Variants in ETV5 observed in about 807,000 individuals in gnomAD.
ETV5 encodes ETS translocation variant 5.
A neutral mutation model predicts 70.0 loss-of-function variants in ETV5; 10 were observed. The ratio of observed to expected loss-of-function variants is 0.14; its 90% CI spans 0.09 to 0.24. The LOEUF is 0.24. Among genes scored for constraint, ETV5 ranks in the 10% least tolerant of loss-of-function variants. The pLI is 1.00. For missense variants in ETV5, 453 were observed against 651.2 expected (o/e 0.70, Z 3.31); for synonymous variants, 216 against 242.2 (o/e 0.89, Z 1.01).
chr3:186,099,875 A>G (rs1023570363), intron 5 of ETV5, among the ~76,000 whole-genome samples: 22 of 152,240 alleles, frequency 1.4e-4, no homozygotes, highest in African/African-American at 5.3e-4. Context: ...CTCACCAAAT[A>G]CAAAGGACTG....
chr3:186,068,345 AGTAGTAGTATG>A (rs1214457559), intron 7 of ETV5, among the ~76,000 whole-genome samples: 2 of 152,242 alleles, frequency 1.3e-5, no homozygotes, highest in African/African-American at 4.8e-5. Flanking sequence ...CAAAAATAAA[AGTAGTAGTATG>A]GTGTCATATA....
Position 186,054,063 on chromosome 3 carries a change from C to T in ETV5, c.1210-1932G>A, listed in dbSNP as rs114641680. On this transcript the variant is annotated intron_variant, in intron 11 of 12. Transcript: ENST00000306376. This position sits in a 1 kb window ranked among gnomAD's most constrained non-coding sequence, Gnocchi z 4.4. ...GCTTACTGGAGAAAGGTTTGGTATACGCACAGATTTCAAAGCAGCTCTGGT... is the reference window on the plus strand; with the variant it reads ...GCTTACTGGAGAAAGGTTTGGTATATGCACAGATTTCAAAGCAGCTCTGGT... Among the ~76,000 whole-genome samples, 17 of 152,336 alleles carry T rather than the reference C, an allele frequency of 1.1e-4. No individual in the cohort carries two copies. Among genetic ancestry groups the T allele is most frequent in the South Asian group, 2.1e-4 (1 of 4,832 alleles).
chr3:186,048,905 A>T (rs1230110312), intron 12 of ETV5, 45 bp from the exon 13 acceptor site: 1 of 1,513,416 alleles, frequency 6.6e-7, no homozygotes, highest in Non-Finnish European at 9.1e-7. Context: ...GGAACAGGGC[A>T]TGGGATCAGG....
In ETV5 at chr3:186,057,557, A is replaced by C; in HGVS notation, c.971-66T>G. 1.5e-6 allele frequency: 2 copies of C among 1,315,216 alleles called. No homozygotes were observed. Among genetic ancestry groups the C allele is most frequent in the Admixed American group, 3.4e-5 (2 of 59,498 alleles). The allele number at this position is 1,315,216 out of a possible 1,614,324, so 81.5% of individuals were successfully genotyped here. ...ATTCTGTGTTGTACTAAAACTATGG[A>C]TTTAAGGACTAGAGTGCAATCCTAT... On this transcript the variant is annotated intron_variant, in intron 9 of 12. Coordinates refer to ENST00000306376, the MANE Select transcript of ETV5 (RefSeq NM_004454.3). The surrounding 1 kb of genome is among the most constrained non-coding windows in gnomAD (Gnocchi z 4.9).
At chr3:186,076,908 T>C (rs974205079) in intron 7 of ETV5, among the ~76,000 whole-genome samples, 2 of 152,200 alleles carry the variant, frequency 1.3e-5, no homozygotes, top group African/African-American at 4.8e-5. Context: ...AAACAGATAA[T>C]GTTCAAGGTC....
chr3:186,093,445 A>T (rs1332768857), intron 5 of ETV5, among the ~76,000 whole-genome samples: 2 of 152,200 alleles, frequency 1.3e-5, no homozygotes, highest in Non-Finnish European at 2.9e-5. Context: ...GGATTGCAAC[A>T]TTCAGCAAAC....
intron 5 of ETV5, among the ~76,000 whole-genome samples, chr3:186,085,558 G>C (rs1217314309): frequency 6.7e-6 from 1 of 149,680 alleles, no homozygotes; most frequent in African/African-American, 2.5e-5. Context: ...GCCCAGGCTG[G>C]AGTGCAATGG....
rs779639231 is a variant in ETV5, at chr3:186,079,892, G to A, written c.575C>T (p.Ala192Val). The A allele has an allele frequency of 1.0e-5, 16 of 1,604,654 alleles. No homozygotes were observed. Among genetic ancestry groups the A allele is most frequent in the Non-Finnish European group, 1.4e-5 (16 of 1,175,220 alleles). Residue 192 changes from alanine (A) to valine (V), a missense_variant, in exon 7 of 13, where the codon GCG (alanine) becomes GTG (valine). By Grantham distance (64) the Ala-to-Val change is moderately conservative. Coordinates refer to ENST00000306376, the MANE Select transcript of ETV5 (RefSeq NM_004454.3). The stretch of plus-strand genomic sequence containing the variant: ...GGGCTGATGTGGTGGTCGGGGGACC[G>A]CAAATGTTTGCTGCTGTGGTCCAGG... The part of the protein sequence containing the change: ...PEPGPQQQTF[A>V]VPRPPHQPLQ...
chr3:186,082,763 ATC>A (rs1713963037), intron 5 of ETV5, among the ~76,000 whole-genome samples: 1 of 152,212 alleles, frequency 6.6e-6, no homozygotes, highest in Non-Finnish European at 1.5e-5. Context: ...AGGCTGAACT[ATC>A]TTCCAGCCAA....
intron 7 of ETV5, among the ~76,000 whole-genome samples, chr3:186,073,597 C>T (rs1713699610): frequency 6.6e-6 from 1 of 152,174 alleles, no homozygotes; most frequent in Non-Finnish European, 1.5e-5. Flanking sequence ...ATAGTCCAGG[C>T]AACCAGAAAA....
intron 9 of ETV5, among the ~76,000 whole-genome samples, chr3:186,059,341 A>G (rs1713249321): frequency 6.6e-6 from 1 of 152,228 alleles, no homozygotes. Context: ...GTTGTGCTAG[A>G]AGGGAGTAGG....
At chr3:186,108,488 G>T in intron 1 of ETV5, 1 of 1,283,696 alleles carries the variant, frequency 7.8e-7, no homozygotes, top group Non-Finnish European at 1.0e-6. Flanking sequence ...GGTGCTCTGG[G>T]GGGCAGCGCC....
At chr3:186,065,669 A>T (rs1457472493) in intron 8 of ETV5, 144 bp downstream of exon 8, 5 of 968,632 alleles carry the variant, frequency 5.2e-6, no homozygotes, top group Non-Finnish European at 7.5e-6. Context: ...CTAGCTCCTA[A>T]GTTATTTGAG....
chr3:186,100,045 G>A (rs1714415672), intron 5 of ETV5, among the ~76,000 whole-genome samples: 1 of 152,114 alleles, frequency 6.6e-6, no homozygotes, highest in Admixed American at 6.5e-5. Context: ...GTAGGTCTTG[G>A]GTCCTTCAGA....
intron 11 of ETV5, among the ~76,000 whole-genome samples, chr3:186,056,750 A>G (rs1158778597): frequency 6.6e-6 from 1 of 152,248 alleles, no homozygotes; most frequent in African/African-American, 2.4e-5. Flanking sequence ...ACAAGTCTGT[A>G]TCATTGAAAC....
chr3:186,086,637 A>G (rs746394255), intron 5 of ETV5, among the ~76,000 whole-genome samples: 3 of 152,108 alleles, frequency 2.0e-5, no homozygotes, highest in Non-Finnish European at 2.9e-5. Context: ...AATAGCTAGG[A>G]AAGTGTCAAT....
chr3:186,050,682 G>A (rs1050770173), intron 12 of ETV5, among the ~76,000 whole-genome samples: 1 of 152,206 alleles, frequency 6.6e-6, no homozygotes, highest in Non-Finnish European at 1.5e-5. Flanking sequence ...TCTGTATCAA[G>A]CACTGAAGTT....
intron 7 of ETV5, among the ~76,000 whole-genome samples, chr3:186,069,498 G>GTT (rs1334731682): frequency 7.1e-6 from 1 of 140,716 alleles, no homozygotes; most frequent in African/African-American, 2.7e-5. Flanking sequence ...GAGAGACGAA[G>GTT]TTGTTTTTTT....
Position 186,062,537 on chromosome 3 carries a change from A to C in ETV5, c.970+1880T>G, listed in dbSNP as rs1298659628. ...CTTGGGAGGCTGAGGCAGGAGAATC[A>C]CTTGAACCCGGGAGGCAGACGTTGC... On this transcript the variant is annotated intron_variant, in intron 9 of 12. Transcript: ENST00000306376. Among the ~76,000 whole-genome samples the C allele has an allele frequency of 2.6e-5, 4 of 152,140 alleles. No individual in the cohort carries two copies. The East Asian group carries it at 7.8e-4, about 30-fold the overall frequency.
Sources: allele counts gnomAD v4.1 joint callset (sites outside exome capture counted in the v4.1 genomes callset), GRCh38; gene constraint gnomAD v4.1.1; non-coding constraint Gnocchi (gnomAD v3.1); transcripts MANE v1.5; gene names NCBI Gene and HGNC (gene_info 2026-07-23, HGNC 2026-07-21).